The following PPP1R12C variants were observed in gnomAD, a reference collection of about 807,000 sequenced individuals.
PPP1R12C encodes the protein protein phosphatase 1 regulatory subunit 12C, also known as leukocyte receptor cluster (LRC) encoded novel gene 3.
A neutral mutation model predicts 95.6 loss-of-function variants in PPP1R12C; 48 were observed. The observed-to-expected ratio is 0.50, with a 90% confidence interval of 0.40 to 0.64. PPP1R12C has a LOEUF of 0.64. PPP1R12C is among the 30% of genes least tolerant of loss of function. The pLI is 0.00. For synonymous variants in PPP1R12C, 480 were observed against 460.8 expected (o/e 1.04, Z -0.53); for missense variants, 1,057 against 1,083.3 (o/e 0.98, Z 0.34).
chr19:55,109,878 G>A lies in PPP1R12C; in HGVS notation c.571+2589C>T, dbSNP rs779864936. Among the ~76,000 whole-genome samples, 4 of 152,170 alleles carry A rather than the reference G, an allele frequency of 2.6e-5. No homozygotes were observed. The highest frequency in any genetic ancestry group is 1.9e-4 in the East Asian group (1 of 5,170). ...GTGTCACAGGGTGTCACAGGCAGTCGCCTTGTGATTTGGGGCCGCAGAGTC... is the reference window on the plus strand; with the variant it reads ...GTGTCACAGGGTGTCACAGGCAGTCACCTTGTGATTTGGGGCCGCAGAGTC... On this transcript the variant is annotated intron_variant, in intron 3 of 21. Transcript: ENST00000263433. The surrounding 1 kb of genome is among the most constrained non-coding windows in gnomAD (Gnocchi z 4.4).
At chr19:55,101,746 G>C (rs973829859) in intron 4 of PPP1R12C, among the ~76,000 whole-genome samples, 1 of 152,208 alleles carries the variant, frequency 6.6e-6, no homozygotes, top group Non-Finnish European at 1.5e-5. Flanking sequence ...GTAAGGATCA[G>C]CTCAGGGATG....
Position 55,094,335 on chromosome 19 carries a change from CA to C in PPP1R12C, c.1683+9del. The C allele has an allele frequency of 6.2e-7, 1 of 1,609,984 alleles. No homozygotes were observed. The highest frequency in any genetic ancestry group is 8.5e-7 in the Non-Finnish European group (1 of 1,178,810). On this transcript the variant is annotated intron_variant, in intron 13 of 21. Coordinates refer to ENST00000263433, the MANE Select transcript of PPP1R12C (RefSeq NM_017607.4). Reference sequence around the variant, plus strand: ...AGACCCAGGAGTCCAGACCCCAGCCCACCCCACACCTGTGTGGACCTCCGAG... The same window carrying C: ...AGACCCAGGAGTCCAGACCCCAGCCCCCCCACACCTGTGTGGACCTCCGAG...
Position 55,099,005 on chromosome 19 carries a change from ATCC to A in PPP1R12C, c.819_821del (p.Glu273del). Reference sequence around the variant, plus strand: ...CATGCTCGGCCAGCAGGCGGCAGGCATCCTCCACGCCCCAGTGTGCCGCTGCGT... The same window carrying A: ...CATGCTCGGCCAGCAGGCGGCAGGCATCCACGCCCCAGTGTGCCGCTGCGT... On this transcript the variant is annotated inframe_deletion, in exon 5 of 22. Coordinates refer to ENST00000263433, the MANE Select transcript of PPP1R12C (RefSeq NM_017607.4). 1.9e-6 allele frequency: 3 copies of A among 1,557,386 alleles called. No homozygotes were observed. Among genetic ancestry groups the A allele is most frequent in the Non-Finnish European group, 2.6e-6 (3 of 1,150,756 alleles).
rs748755584 is a variant in PPP1R12C, at chr19:55,092,495, G to C, written c.2002C>G (p.Leu668Val). Residue 668 changes from leucine (L) to valine (V), a missense_variant, in exon 18 of 22, where the codon CTC becomes GTC. This residue lies in a region of PPP1R12C where 347 missense variants were observed against 307.9 expected (regional missense o/e 1.13). Coordinates refer to ENST00000263433, the MANE Select transcript of PPP1R12C (RefSeq NM_017607.4). ...GATTCTGGCTCAGGTTCTGGGTTGAGGTCCCGCTGCCACCGCTGCCTGCGG... is the reference window on the plus strand; with the variant it reads ...GATTCTGGCTCAGGTTCTGGGTTGACGTCCCGCTGCCACCGCTGCCTGCGG... ...SARRQRWQRD[L>V]NPEPEPESEE... The C allele has an allele frequency of 1.7e-5, 28 of 1,609,942 alleles. No homozygotes were observed. The highest frequency in any genetic ancestry group is 2.2e-5 in the South Asian group (2 of 90,632).
chr19:55,100,378 G>GC (rs2084967517), intron 4 of PPP1R12C, among the ~76,000 whole-genome samples: 1 of 152,244 alleles, frequency 6.6e-6, no homozygotes, highest in African/African-American at 2.4e-5. Context: ...CAGGGAGGCT[G>GC]CCCCACATCC....
Position 55,094,423 on chromosome 19 carries a change from C to G in PPP1R12C, c.1605G>C (p.Met535Ile). The change falls in exon 13 of 22, where the codon ATG (methionine) becomes ATC (isoleucine). Residue 535 changes from methionine (M) to isoleucine (I), a missense_variant. Physicochemically the swap from Met to Ile is conservative, Grantham distance 10 (BLOSUM62 1). This residue lies in a region of PPP1R12C where 356 missense variants were observed against 330.5 expected (regional missense o/e 1.08). Coordinates refer to ENST00000263433, the MANE Select transcript of PPP1R12C (RefSeq NM_017607.4). ...DSRDRRRSYQ[M>I]PVRDEESESQ... is the part of the protein sequence containing the mutation. ...ATTCCGACTCCTCATCCCGCACAGG[C>G]ATCTGGTAGGACCTGAGGGAAGGGT... The G allele has an allele frequency of 6.2e-7, 1 of 1,613,930 alleles. No homozygotes were observed. Among genetic ancestry groups the G allele is most frequent in the Non-Finnish European group, 8.5e-7 (1 of 1,180,024 alleles).
At chr19:55,101,004 T>G (rs1326788464) in intron 4 of PPP1R12C, among the ~76,000 whole-genome samples, 2 of 152,110 alleles carry the variant, frequency 1.3e-5, no homozygotes, top group African/African-American at 4.8e-5. Context: ...AATCCAGCAC[T>G]CTGGGAGGCT....
Position 55,095,935 on chromosome 19 carries a change from G to A in PPP1R12C, c.1159C>T (p.Pro387Ser), listed in dbSNP as rs764312985. ...TTGAGGGTTCTGGGTTCTGCAGGGG[G>A]TGGTTCTGTGATGTGGGAACACCGG... ...DEGEEGPTEP[P>S]PAEPRTLNGV... Residue 387 changes from proline to serine, a missense_variant, in exon 9 of 22, where the codon CCC becomes TCC. By Grantham distance (74) the Pro-to-Ser change is moderately conservative. Coordinates refer to ENST00000263433, the MANE Select transcript of PPP1R12C (RefSeq NM_017607.4). 5.6e-6 allele frequency: 9 copies of A among 1,612,830 alleles called. No homozygotes were observed. Among genetic ancestry groups the A allele is most frequent in the East Asian group, 2.2e-5 (1 of 44,882 alleles).
At chr19:55,099,634 G>A (rs1432902809) in intron 4 of PPP1R12C, among the ~76,000 whole-genome samples, 1 of 152,224 alleles carries the variant, frequency 6.6e-6, no homozygotes, top group Non-Finnish European at 1.5e-5. Context: ...TCGGCTGGGT[G>A]GAGGCCAGGG....
chr19:55,112,432 G>A (rs766778679), intron 3 of PPP1R12C, 35 bp downstream of exon 3: 5 of 1,569,566 alleles, frequency 3.2e-6, no homozygotes, highest in Admixed American at 3.4e-5. Flanking sequence ...GTGAGGAGGT[G>A]TCCCCCACCC....
At chr19:55,092,126 C>T (rs991541756) in intron 19 of PPP1R12C, 96 bp downstream of exon 19, 25 of 1,235,908 alleles carry the variant, frequency 2.0e-5, no homozygotes, top group Admixed American at 6.7e-5. Flanking sequence ...AGCCCAGCCC[C>T]GCCGGCACCC....
chr19:55,099,759 G>A (rs1229990624), intron 4 of PPP1R12C, among the ~76,000 whole-genome samples: 1 of 152,230 alleles, frequency 6.6e-6, no homozygotes, highest in African/African-American at 2.4e-5. Context: ...CCGAGACAGT[G>A]TTCTGCGAGA....
intron 15 of PPP1R12C, 22 bp from the exon 16 acceptor site, chr19:55,092,890 G>A: frequency 2.5e-6 from 4 of 1,601,458 alleles, no homozygotes; most frequent in Non-Finnish European, 3.4e-6. Flanking sequence ...GCAGGAATCA[G>A]CCCAGGCACC....
chr19:55,096,441 A>T (rs1216264083), intron 6 of PPP1R12C, 106 bp from the exon 7 acceptor site: 2 of 1,349,970 alleles, frequency 1.5e-6, no homozygotes, highest in Non-Finnish European at 2.1e-6. Flanking sequence ...GCGGGCACCG[A>T]GGGCTCGTGG....
rs1296517359 is a variant in PPP1R12C, at chr19:55,106,982, AACCTGTCT to A, written c.572-3422_572-3415del. ...CCCATGCTGAGTGCCTCACGGAGAGAACCTGTCTAAGAGTGAAGCCAACAGAGTTCAGC... is the reference window on the plus strand; with the variant it reads ...CCCATGCTGAGTGCCTCACGGAGAGAAAGAGTGAAGCCAACAGAGTTCAGC... On this transcript the variant is annotated intron_variant, in intron 3 of 21. Coordinates refer to ENST00000263433, the MANE Select transcript of PPP1R12C (RefSeq NM_017607.4). Among the ~76,000 whole-genome samples the A allele has an allele frequency of 3.9e-5, 6 of 152,182 alleles. No individual in the cohort carries two copies. In the East Asian group the frequency reaches 1.2e-3, roughly 29 times the overall value.
rs746749202 is a variant in PPP1R12C, at chr19:55,109,895, C to T, written c.571+2572G>A. ...AGGCAGTCGCCTTGTGATTTGGGGCCGCAGAGTCCCACCCCGAGCAGCACG... is the reference window on the plus strand; with the variant it reads ...AGGCAGTCGCCTTGTGATTTGGGGCTGCAGAGTCCCACCCCGAGCAGCACG... On this transcript the variant is annotated intron_variant, in intron 3 of 21. Coordinates refer to ENST00000263433, the MANE Select transcript of PPP1R12C (RefSeq NM_017607.4). The surrounding 1 kb of genome is among the most constrained non-coding windows in gnomAD (Gnocchi z 4.4). 2.6e-5 allele frequency among the ~76,000 whole-genome samples: 4 copies of T among 152,132 alleles called. No individual in the cohort carries two copies. The highest frequency in any genetic ancestry group is 5.9e-5 in the Non-Finnish European group (4 of 68,020).
Position 55,095,960 on chromosome 19 carries a change from G to T in PPP1R12C, c.1154-20C>A. ...GTGGTTCTGTGATGTGGGAACACCGGGCAGGTCACAGAAGATGCCAGTTGC... is the reference window on the plus strand; with the variant it reads ...GTGGTTCTGTGATGTGGGAACACCGTGCAGGTCACAGAAGATGCCAGTTGC... On this transcript the variant is annotated intron_variant, in intron 8 of 21. Transcript: ENST00000263433. 1.9e-6 allele frequency: 3 copies of T among 1,611,178 alleles called. No individual in the cohort carries two copies.
intron 4 of PPP1R12C, among the ~76,000 whole-genome samples, chr19:55,101,938 G>A (rs1229194294): frequency 1.3e-5 from 2 of 152,048 alleles, no homozygotes; most frequent in African/African-American, 2.4e-5. Context: ...AGCGGTTAGA[G>A]GCATCTTATG....
At chr19:55,112,267 G>C in intron 3 of PPP1R12C, 200 bp downstream of exon 3, 1 of 398,958 alleles carries the variant, frequency 2.5e-6, no homozygotes, top group Admixed American at 4.0e-5. Flanking sequence ...TTCTCATCCT[G>C]TGCGTGTGCT....
Sources: allele counts gnomAD v4.1 joint callset (sites outside exome capture counted in the v4.1 genomes callset), GRCh38; gene constraint gnomAD v4.1.1; regional missense constraint gnomAD v4.1.1; non-coding constraint Gnocchi (gnomAD v3.1); transcripts MANE v1.5; gene names NCBI Gene and HGNC (gene_info 2026-07-23, HGNC 2026-07-21).